COPRS: variants seen among roughly 807,000 people sequenced by gnomAD.
COPRS encodes the protein coordinator of PRMT5 and differentiation stimulator.
Under a neutral mutation model 19.9 loss-of-function variants are expected in COPRS, and 11 were observed. The observed-to-expected ratio is 0.55, with a 90% CI of 0.35 to 0.92. The LOEUF (loss-of-function observed/expected upper bound fraction) is 0.92, where lower values mean the gene tolerates loss of function less well. COPRS is among the 40% of genes least tolerant of loss of function. COPRS has a pLI of 0.01. For synonymous variants in COPRS, 81 were observed against 82.7 expected, an observed-to-expected ratio of 0.98 and a Z score of 0.11; for missense variants, 225 against 229.9, an observed-to-expected ratio of 0.98 and a Z score of 0.14.
intron 1 of COPRS, 199 bp downstream of exon 1, chr17:31,858,902 C>CGG (rs1909445155): frequency 1.3e-6 from 2 of 1,510,464 alleles, no homozygotes; most frequent in Admixed American, 4.2e-5. Context: ...TCGGCTTTCC[C>CGG]CGCCCCGCAG....
chr17:31,858,227 A>G (rs1909422084), intron 1 of COPRS: 1 of 263,530 alleles, frequency 3.8e-6, no homozygotes. Flanking sequence ...TGTGCCCTGC[A>G]CTTTCTCATC....
intron 2 of COPRS, among the ~76,000 whole-genome samples, chr17:31,854,524 G>A (rs532928225): frequency 6.6e-6 from 1 of 152,034 alleles, no homozygotes; most frequent in Non-Finnish European, 1.5e-5. Context: ...ACTCACAGCA[G>A]CACTATTTAC....
rs536880991 is a variant in COPRS at position 31,858,403 on chromosome 17, C to G, written c.99+698G>C. The G allele has an allele frequency of 7.5e-4, 740 of 985,418 alleles. 14 individuals carry two copies. The South Asian group carries it at 0.03, about 40-fold the overall frequency. The allele number at this position is 985,418 out of a possible 1,614,324, so 61.0% of individuals were successfully genotyped here. A position where few individuals can be genotyped will look rare whatever the true frequency, so the allele number is the denominator to read the frequency against. On this transcript the variant is annotated intron_variant, in intron 1 of 3. Transcript: ENST00000302362. ...TAAGTACCATCTTTGAGGCATCATTCATCCAGTCGGTATGTCTATCTCCTG... is the reference window on the plus strand; with the variant it reads ...TAAGTACCATCTTTGAGGCATCATTGATCCAGTCGGTATGTCTATCTCCTG...
chr17:31,853,750 G>A (rs1415273097), intron 2 of COPRS, among the ~76,000 whole-genome samples: 4 of 152,146 alleles, frequency 2.6e-5, no homozygotes, highest in Non-Finnish European at 5.9e-5. Context: ...ACAAAGGGGA[G>A]CAGGGGCACT....
Position 31,852,831 on chromosome 17 carries a change from T to G in COPRS, c.366A>C (p.Ala122=). 6.2e-7 allele frequency: 1 copy of G among 1,613,962 alleles called. No individual in the cohort carries two copies. Among genetic ancestry groups the G allele is most frequent in the South Asian group, 1.1e-5 (1 of 91,082 alleles). The change falls in exon 3 of 4, where the codon GCA becomes GCC. Residue 122 remains alanine, a synonymous_variant. Transcript: ENST00000302362. ...FNEDWDSELK[A]DQGNPYDADD... is the part of the protein sequence containing the mutation. ...ACCTACCATATGGATTCCCTTGATC[T>G]GCTTTCAACTCCGAGTCCCAGTCCT...
chr17:31,852,136 C>A lies in COPRS; in HGVS notation c.*3G>T. On this transcript the variant is annotated 3_prime_UTR_variant, in exon 4 of 4. Transcript: ENST00000302362. ...CCCACCTACAAGGCAGAAAGCTCCA[C>A]ACTCAATCTTCAGCATCGTCAAACT... is the stretch of plus-strand genomic sequence containing the variant. 15 of 1,613,914 alleles carry A rather than the reference C, an allele frequency of 9.3e-6. No individual in the cohort carries two copies. Among genetic ancestry groups the A allele is most frequent in the Non-Finnish European group, 1.1e-5 (13 of 1,179,992 alleles).
At chr17:31,855,893 G>A (rs747982397) in intron 2 of COPRS, among the ~76,000 whole-genome samples, 3 of 151,046 alleles carry the variant, frequency 2.0e-5, no homozygotes, top group Non-Finnish European at 4.4e-5. Flanking sequence ...TACTTGGGAG[G>A]CTGAGGTAGG....
Position 31,859,215 on chromosome 17 carries a change from G to T in COPRS, c.-16C>A. On this transcript the variant is annotated 5_prime_UTR_variant, in exon 1 of 4. Transcript: ENST00000302362. ...GAAGGTCCATGCCCTGCGGCCCGCG[G>T]CTGGTCGCCCTGGACGCCGTGGGCC... 1 of 1,032,642 alleles carries T rather than the reference G, an allele frequency of 9.7e-7. No individual in the cohort carries two copies. Among genetic ancestry groups the T allele is most frequent in the Non-Finnish European group, 1.2e-6 (1 of 855,578 alleles). The allele number at this position is 1,032,642 out of a possible 1,614,324, so 64.0% of individuals were successfully genotyped here.
chr17:31,852,674 C>A, intron 3 of COPRS, 138 bp downstream of exon 3: 1 of 725,026 alleles, frequency 1.4e-6, no homozygotes, highest in Non-Finnish European at 2.4e-6. Flanking sequence ...GAGAAGGTGT[C>A]ACAGAAATTG....
chr17:31,858,385 C>A (rs1909426134), intron 1 of COPRS: 1 of 985,268 alleles, frequency 1.0e-6, no homozygotes, highest in South Asian at 4.7e-5. Context: ...GGCTAAGTAC[C>A]ATCTTTGAGG....
rs879141455 is a variant in COPRS at position 31,852,050 on chromosome 17, T to C, written c.*89A>G. On this transcript the variant is annotated 3_prime_UTR_variant, in exon 4 of 4. Coordinates refer to ENST00000302362, the MANE Select transcript of COPRS (RefSeq NM_018405.4). The stretch of plus-strand genomic sequence containing the variant: ...CCCAGACTAGGGGTCACTGCAAACA[T>C]TTTCTCAGATATGACTTTTCACCTC... 9.9e-6 allele frequency: 15 copies of C among 1,520,036 alleles called. No homozygotes were observed. The South Asian group carries it at 1.8e-4, about 18-fold the overall frequency. The allele number at this position is 1,520,036 out of a possible 1,614,324, so 94.2% of individuals were successfully genotyped here. A position where few individuals can be genotyped will look rare whatever the true frequency, so the allele number is the denominator to read the frequency against.
At position 31,852,843 on chromosome 17, in the gene COPRS, C is replaced by T. The variant is rs1322724395; in HGVS notation, c.354G>A (p.Ser118=). 1.4e-5 allele frequency: 23 copies of T among 1,613,940 alleles called. No individual in the cohort carries two copies. The highest frequency in any genetic ancestry group is 3.3e-5 in the South Asian group (3 of 91,084). ...GATTCCCTTGATCTGCTTTCAACTC[C>T]GAGTCCCAGTCCTCATTAAAAAGAT... The part of the protein sequence containing the change: ...PGDLFNEDWD[S]ELKADQGNPY... The change falls in exon 3 of 4, where the codon TCG becomes TCA. Residue 118 remains serine, a synonymous_variant. Transcript: ENST00000302362.
chr17:31,858,777 C>A (rs920300011), intron 1 of COPRS: 1 of 1,550,596 alleles, frequency 6.4e-7, no homozygotes, highest in Non-Finnish European at 8.7e-7. Context: ...GCCCAGGCTC[C>A]TGGCAGCGGG....
intron 3 of COPRS, 103 bp downstream of exon 3, chr17:31,852,708 TA>T: frequency 1.2e-6 from 1 of 836,190 alleles, no homozygotes; most frequent in Non-Finnish European, 2.1e-6. Context: ...GATACCAGCC[TA>T]AGCTCATAGA....
chr17:31,857,147 G>A (rs1201322273), intron 1 of COPRS, among the ~76,000 whole-genome samples: 3 of 152,196 alleles, frequency 2.0e-5, no homozygotes, highest in East Asian at 1.9e-4. Flanking sequence ...ACAGTTCTGC[G>A]AACTCTTGCA....
At chr17:31,856,296 C>G (rs1486801873) in intron 2 of COPRS, among the ~76,000 whole-genome samples, 3 of 151,738 alleles carry the variant, frequency 2.0e-5, no homozygotes, top group Non-Finnish European at 4.4e-5. Flanking sequence ...CATCGTGCCA[C>G]TGTACTCCAG....
At chr17:31,852,576 A>C (rs944368036) in intron 3 of COPRS, among the ~76,000 whole-genome samples, 3 of 152,200 alleles carry the variant, frequency 2.0e-5, no homozygotes, top group Admixed American at 2.0e-4. Context: ...TTCATAGCAG[A>C]GATTTTTGGA....
In COPRS at chr17:31,852,692, G is replaced by A. The variant is rs1002422644; in HGVS notation, c.385+120C>T. ...AAGGTGTCACAGAAATTGGAGACCT[G>A]TAACAGATACCAGCCTAAGCTCATA... On this transcript the variant is annotated intron_variant, in intron 3 of 3. Coordinates refer to ENST00000302362, the MANE Select transcript of COPRS (RefSeq NM_018405.4). 1.6e-5 allele frequency: 13 copies of A among 788,586 alleles called. No homozygotes were observed. The South Asian group carries it at 1.7e-4, about 10-fold the overall frequency. 48.8% of individuals were successfully genotyped at this position (788,586 alleles called of 1,614,324 possible). A position where few individuals can be genotyped will look rare whatever the true frequency, so the allele number is the denominator to read the frequency against.
At chr17:31,852,472 C>A (rs545666020) in intron 3 of COPRS, among the ~76,000 whole-genome samples, 164 bp from the exon 4 acceptor site, 35 of 152,216 alleles carry the variant, frequency 2.3e-4, no homozygotes, top group African/African-American at 7.2e-4. Flanking sequence ...TGCGTTCATT[C>A]GGAACAGCTG....
Sources: allele counts gnomAD v4.1 joint callset (sites outside exome capture counted in the v4.1 genomes callset), GRCh38; gene constraint gnomAD v4.1.1; transcripts MANE v1.5; gene names NCBI Gene and HGNC (gene_info 2026-07-23, HGNC 2026-07-21).